The following PLCD3 variants were observed in gnomAD, a reference collection of about 807,000 sequenced individuals.
The protein encoded by PLCD3 is phospholipase C delta 3.
A neutral mutation model predicts 82.8 loss-of-function variants in PLCD3; 62 were observed. That is an observed-to-expected ratio of 0.75 (90% CI 0.61 to 0.93). The LOEUF is 0.93. Among genes scored for constraint, PLCD3 ranks in the 40% least tolerant of loss-of-function variants. The probability of loss-of-function intolerance (pLI) is 0.00; values close to 1 mark genes in which losing one functional copy is unlikely to be tolerated. For missense variants in PLCD3, 1,023 were observed against 1,103.4 expected (o/e 0.93, Z 1.03); for synonymous variants, 478 against 471.8 (o/e 1.01, Z -0.17).
intron 9 of PLCD3, 24 bp downstream of exon 9, chr17:45,115,320 C>T (rs542943560): frequency 2.0e-6 from 3 of 1,495,472 alleles, no homozygotes; most frequent in African/African-American, 2.8e-5. Context: ...CCCCCTTCCC[C>T]ACCCCACCCA....
At chr17:45,128,036 C>A (rs1490460554) in intron 1 of PLCD3, among the ~76,000 whole-genome samples, 1 of 152,102 alleles carries the variant, frequency 6.6e-6, no homozygotes, top group Admixed American at 6.5e-5. Context: ...GGAGAGGACA[C>A]ACAATGGCGA....
In PLCD3 at chr17:45,121,137, G is replaced by C; in HGVS notation, c.326-7C>G. 6.6e-7 allele frequency: 1 copy of C among 1,520,484 alleles called. No individual in the cohort carries two copies. The highest frequency in any genetic ancestry group is 8.8e-7 in the Non-Finnish European group (1 of 1,140,474). The allele number at this position is 1,520,484 out of a possible 1,614,324, so 94.2% of individuals were successfully genotyped here. ...TCGATGTGCTGCACGAAGACTGAGAGGAGGGCCGGGTCAGGGCGGAGGACC... is the reference window on the plus strand; with the variant it reads ...TCGATGTGCTGCACGAAGACTGAGACGAGGGCCGGGTCAGGGCGGAGGACC... On this transcript the variant is annotated splice_polypyrimidine_tract_variant and splice_region_variant and intron_variant, in intron 2 of 14. Transcript: ENST00000619929.
rs2054315704 is a variant in PLCD3, at chr17:45,118,995, C to T, written c.733G>A (p.Glu245Lys). 6.2e-7 allele frequency: 1 copy of T among 1,612,490 alleles called. No homozygotes were observed. Among genetic ancestry groups the T allele is most frequent in the African/African-American group, 1.3e-5 (1 of 74,922 alleles). Residue 245 changes from glutamate to lysine, a missense_variant, in exon 5 of 15, where the codon GAG becomes AAG. By Grantham distance (56) the Glu-to-Lys change is moderately conservative. This residue lies in a region of PLCD3 where 448 missense variants were observed against 406.3 expected (regional missense o/e 1.10). Coordinates refer to ENST00000619929, the MANE Select transcript of PLCD3 (RefSeq NM_133373.5). The surrounding 1 kb of genome is among the most constrained non-coding windows in gnomAD (Gnocchi z 4.1). ...NDRLEGAEIE[E>K]FLRRLLKRPE... Reference sequence around the variant, plus strand: ...CGCTTCAGCAGCCGCCGCAGGAACTCCTCGATCTCAGCCCCCTCTAGACGG... The same window carrying T: ...CGCTTCAGCAGCCGCCGCAGGAACTTCTCGATCTCAGCCCCCTCTAGACGG...
In PLCD3 at chr17:45,116,742, C is replaced by T. The variant is rs961747651; in HGVS notation, c.1303G>A (p.Gly435Arg). Reference protein sequence around the residue: ...PVILSLENHCGLEQQAAMARH... With the variant: ...PVILSLENHCRLEQQAAMARH... ...GCCATGGCAGCCTGCTGCTCCAGCC[C>T]GCAGTGGTTCTCCAGGGATAGGATG... Residue 435 changes from glycine to arginine, a missense_variant, in exon 8 of 15, where the codon GGG becomes AGG. Around this residue, in one of 3 missense-constraint regions of PLCD3, gnomAD observed 553 missense variants for 655.7 expected, o/e 0.84. Coordinates refer to ENST00000619929, the MANE Select transcript of PLCD3 (RefSeq NM_133373.5). 8.1e-6 allele frequency: 13 copies of T among 1,608,718 alleles called. No homozygotes were observed. Among genetic ancestry groups the T allele is most frequent in the African/African-American group, 5.4e-5 (4 of 74,564 alleles).
At chr17:45,120,540 C>A in intron 3 of PLCD3, 86 bp from the exon 4 acceptor site, 2 of 1,568,130 alleles carry the variant, frequency 1.3e-6, no homozygotes, top group Non-Finnish European at 1.7e-6. Flanking sequence ...CCACCTGGGT[C>A]TGGGGGATCC....
In PLCD3 at chr17:45,118,307, T is replaced by C. The variant is rs749037603; in HGVS notation, c.1099A>G (p.Thr367Ala). The stretch of plus-strand genomic sequence containing the variant: ...CTACAGTACCTAACATAGGCCTCGG[T>C]GCTGCTGGGCCCCCCGATCTGGGAG... The part of the protein sequence containing the change: ...TDSQIGGPSS[T>A]EAYVRAFAQG... Residue 367 changes from threonine to alanine, a missense_variant, in exon 6 of 15, where the codon ACC becomes GCC. By Grantham distance (58) the Thr-to-Ala change is moderately conservative. Transcript: ENST00000619929. The surrounding 1 kb of genome is among the most constrained non-coding windows in gnomAD (Gnocchi z 4.1). The C allele has an allele frequency of 3.0e-5, 49 of 1,613,886 alleles. No homozygotes were observed. In the Admixed American group the frequency reaches 7.5e-4, roughly 25 times the overall value.
Position 45,132,310 on chromosome 17 carries a change from G to T in PLCD3, c.101C>A (p.Ser34Tyr). The change falls in exon 1 of 15, where the codon TCC becomes TAC. Residue 34 changes from serine to tyrosine, a missense_variant. This residue lies in a region of PLCD3 where 448 missense variants were observed against 406.3 expected (regional missense o/e 1.10). Coordinates refer to ENST00000619929, the MANE Select transcript of PLCD3 (RefSeq NM_133373.5). The surrounding 1 kb of genome is among the most constrained non-coding windows in gnomAD (Gnocchi z 4.6). ...AQVAAPVALP[S>Y]PPTPSDGGTK... The stretch of plus-strand genomic sequence containing the variant: ...GCCGCCATCGGAGGGAGTCGGCGGG[G>T]ACGGGAGAGCGACCGGCGCCGCGAC... 8.0e-7 allele frequency: 1 copy of T among 1,254,638 alleles called. No individual in the cohort carries two copies. Among genetic ancestry groups the T allele is most frequent in the African/African-American group, 1.5e-5 (1 of 65,472 alleles). The allele number at this position is 1,254,638 out of a possible 1,614,324, so 77.7% of individuals were successfully genotyped here. A position where few individuals can be genotyped will look rare whatever the true frequency, so the allele number is the denominator to read the frequency against.
In PLCD3 at chr17:45,112,623, C is replaced by T. The variant is rs185243238; in HGVS notation, c.2363G>A (p.Arg788His). 1.1e-5 allele frequency: 17 copies of T among 1,599,976 alleles called. No individual in the cohort carries two copies. The East Asian group carries it at 2.7e-4, about 25-fold the overall frequency. ...ATLFIQIRIQ[R>H]S ...GGCGAGTGAGGTGGGCCCTCAGGAG[C>T]GCTGGATGCGGATTTGGATGAAGAG... Residue 788 changes from arginine (R) to histidine (H), a missense_variant, in exon 15 of 15, where the codon CGC (arginine) becomes CAC (histidine). Arg to His is a conservative substitution (Grantham distance 29, BLOSUM62 0). Around this residue, in one of 3 missense-constraint regions of PLCD3, gnomAD observed 553 missense variants for 655.7 expected, o/e 0.84. Transcript: ENST00000619929.
intron 1 of PLCD3, among the ~76,000 whole-genome samples, chr17:45,123,912 G>C (rs1677057551): frequency 6.6e-6 from 1 of 151,554 alleles, no homozygotes; most frequent in South Asian, 2.1e-4. Flanking sequence ...TCCAGACAAA[G>C]AGCTGGGTGT....
Position 45,121,283 on chromosome 17 carries a change from A to AC in PLCD3, c.252dup (p.Tyr85ValfsTer74). The AC allele has an allele frequency of 6.3e-7, 1 of 1,587,430 alleles. No individual in the cohort carries two copies. The highest frequency in any genetic ancestry group is 8.5e-7 in the Non-Finnish European group (1 of 1,175,238). On this transcript the variant is annotated frameshift_variant, in exon 2 of 15. Coordinates refer to ENST00000619929, the MANE Select transcript of PLCD3 (RefSeq NM_133373.5). LOFTEE classifies it high-confidence loss of function. ...CTCAGGCCGTCCTCCTGCAGCCGGT[A>AC]CAGCCGCTCCTTGTGCCACGTGCGC...
intron 1 of PLCD3, among the ~76,000 whole-genome samples, chr17:45,122,003 C>T (rs2054345578): frequency 6.6e-6 from 1 of 152,044 alleles, no homozygotes; most frequent in African/African-American, 2.4e-5. Context: ...TCCCCCACCA[C>T]ATGGCTTCCA....
At chr17:45,127,045 T>G (rs920965452) in intron 1 of PLCD3, among the ~76,000 whole-genome samples, 1 of 152,106 alleles carries the variant, frequency 6.6e-6, no homozygotes, top group South Asian at 2.1e-4. Context: ...GTGGTGGAAG[T>G]TGGGGGAGTC....
In PLCD3 at chr17:45,113,730, CT is replaced by C. The variant is rs373722139; in HGVS notation, c.1829-126del. ...CCACTGTCTGCTTAGTGCTGCTCTG[CT>C]CCCACCATGACTTTAGGGGAGGGGG... On this transcript the variant is annotated intron_variant, in intron 11 of 14. Transcript: ENST00000619929. 9.3e-4 allele frequency: 1,150 copies of C among 1,240,960 alleles called. 12 individuals carry two copies. The African/African-American group carries it at 0.016, about 18-fold the overall frequency. 76.9% of individuals were successfully genotyped at this position (1,240,960 alleles called of 1,614,324 possible).
rs979243247 is a variant in PLCD3, at chr17:45,132,159, G to A, written c.163+89C>T. On this transcript the variant is annotated intron_variant, in intron 1 of 14. Coordinates refer to ENST00000619929, the MANE Select transcript of PLCD3 (RefSeq NM_133373.5). This position sits in a 1 kb window ranked among gnomAD's most constrained non-coding sequence, Gnocchi z 4.6. ...AGCCTCCCAGCCCCGTGCAGCCTGG[G>A]GAATCCACGAACTGCTCCCTGGAGC... 3 of 1,198,798 alleles carry A rather than the reference G, an allele frequency of 2.5e-6. No individual in the cohort carries two copies. In the African/African-American group the frequency reaches 4.7e-5, roughly 19 times the overall value. 74.3% of individuals were successfully genotyped at this position (1,198,798 alleles called of 1,614,324 possible). A position where few individuals can be genotyped will look rare whatever the true frequency, so the allele number is the denominator to read the frequency against.
chr17:45,128,605 C>T (rs1451077654), intron 1 of PLCD3, among the ~76,000 whole-genome samples: 4 of 152,202 alleles, frequency 2.6e-5, no homozygotes, highest in African/African-American at 9.7e-5. Context: ...GCTGGGGAGG[C>T]AAGGGGGCAG....
intron 3 of PLCD3, 99 bp downstream of exon 3, chr17:45,120,803 C>G (rs1438797734): frequency 9.1e-7 from 1 of 1,096,156 alleles, no homozygotes; most frequent in Non-Finnish European, 1.2e-6. Flanking sequence ...CAGGACAGGG[C>G]CCTGCCTTCC....
Position 45,111,212 on chromosome 17 carries a change from G to A in PLCD3, c.*1404C>T, listed in dbSNP as rs2054239211. 6.6e-6 allele frequency: 1 copy of A among 152,362 alleles called. No individual in the cohort carries two copies. Among genetic ancestry groups the A allele is most frequent in the Non-Finnish European group, 1.5e-5 (1 of 68,064 alleles). The allele number at this position is 152,362 out of a possible 1,614,324, so 9.4% of individuals were successfully genotyped here. On this transcript the variant is annotated 3_prime_UTR_variant, in exon 15 of 15. Transcript: ENST00000619929. ...CCCAAGCAGCGTTTCCAGCCTTTGT[G>A]TAAAAGGCTGGCTGGCTGGAGGAAG...
Position 45,109,891 on chromosome 17 carries a change from C to T in PLCD3, c.*2725G>A, listed in dbSNP as rs2054228191. 1 of 151,606 alleles carries T rather than the reference C, an allele frequency of 6.6e-6. No homozygotes were observed. The highest frequency in any genetic ancestry group is 6.6e-5 in the Admixed American group (1 of 15,190). 9.4% of individuals were successfully genotyped at this position (151,606 alleles called of 1,614,324 possible). On this transcript the variant is annotated 3_prime_UTR_variant, in exon 15 of 15. Coordinates refer to ENST00000619929, the MANE Select transcript of PLCD3 (RefSeq NM_133373.5). Reference sequence around the variant, plus strand: ...AGGAGATCGAGACCATCCTGGCTAACACTATGAAACCCTGTCTCTACTAAA... The same window carrying T: ...AGGAGATCGAGACCATCCTGGCTAATACTATGAAACCCTGTCTCTACTAAA...
chr17:45,125,565 C>T (rs1459469270), intron 1 of PLCD3, among the ~76,000 whole-genome samples: 1 of 152,252 alleles, frequency 6.6e-6, no homozygotes, highest in Non-Finnish European at 1.5e-5. Context: ...CACTATACTC[C>T]AGCCTGGGAG....
Sources: gnomAD v4.1 joint callset for allele counts (sites outside exome capture counted in the v4.1 genomes callset) on GRCh38, gnomAD v4.1.1 for gene constraint, gnomAD v4.1.1 regional missense constraint, Gnocchi (gnomAD v3.1) non-coding constraint, MANE v1.5 for transcripts, NCBI Gene and HGNC (gene_info 2026-07-23, HGNC 2026-07-21) for gene names.